Variants in TCF7L1 observed in about 807,000 individuals in gnomAD.
TCF7L1 encodes the protein transcription factor 7 like 1, also known as transcription factor 7-like 1.
A neutral mutation model predicts 63.7 loss-of-function variants in TCF7L1; 18 were observed. The observed-to-expected ratio is 0.28, with a 90% CI of 0.20 to 0.42. The LOEUF (loss-of-function observed/expected upper bound fraction) is 0.42. TCF7L1 is among the 10% of genes least tolerant of loss of function. The probability of loss-of-function intolerance (pLI) is 1.00; values close to 1 mark genes in which losing one functional copy is unlikely to be tolerated. For missense variants in TCF7L1, 654 were observed against 779.3 expected, an observed-to-expected ratio of 0.84 and a Z score of 1.91; for synonymous variants, 355 against 340.9, an observed-to-expected ratio of 1.04 and a Z score of -0.46.
chr2:85,307,069 G>A (rs1057070498), intron 10 of TCF7L1, among the ~76,000 whole-genome samples: 8 of 152,276 alleles, frequency 5.3e-5, no homozygotes, highest in East Asian at 1.9e-4. Context: ...TCCTGAGGAC[G>A]GACTTCAGTT....
intron 3 of TCF7L1, among the ~76,000 whole-genome samples, chr2:85,154,515 G>A (rs1678096298): frequency 6.6e-6 from 1 of 152,142 alleles, no homozygotes; most frequent in Non-Finnish European, 1.5e-5. Context: ...GGCTTTCCTT[G>A]TGTTTGGAAT....
intron 3 of TCF7L1, among the ~76,000 whole-genome samples, chr2:85,260,643 C>CAA (rs112797871): frequency 0.012 from 1,763 of 141,482 alleles, 19 homozygotes; most frequent in Non-Finnish European, 0.017. Flanking sequence ...GACCCTATCT[C>CAA]AAAAAAAAAA....
chr2:85,205,917 A>G (rs1679398629), intron 3 of TCF7L1, among the ~76,000 whole-genome samples: 1 of 152,258 alleles, frequency 6.6e-6, no homozygotes, highest in African/African-American at 2.4e-5. Flanking sequence ...TTACCACTTT[A>G]GTTGGATCCT....
intron 3 of TCF7L1, among the ~76,000 whole-genome samples, chr2:85,244,327 G>A (rs748340156): frequency 5.9e-5 from 9 of 152,194 alleles, no homozygotes; most frequent in Non-Finnish European, 1.2e-4. Context: ...TTGTTTTAAC[G>A]TAGCGCCATG....
At chr2:85,188,504 A>C (rs1678979176) in intron 3 of TCF7L1, among the ~76,000 whole-genome samples, 1 of 152,228 alleles carries the variant, frequency 6.6e-6, no homozygotes, top group South Asian at 2.1e-4. Flanking sequence ...ATGTCACATC[A>C]AGAATGGCAA....
chr2:85,186,983 A>G (rs1678941350), intron 3 of TCF7L1, among the ~76,000 whole-genome samples: 1 of 152,198 alleles, frequency 6.6e-6, no homozygotes, highest in Non-Finnish European at 1.5e-5. Flanking sequence ...ATGTCTGCAC[A>G]TGTTGGCTGA....
At chr2:85,140,944 G>A (rs1677722810) in intron 3 of TCF7L1, among the ~76,000 whole-genome samples, 1 of 152,030 alleles carries the variant, frequency 6.6e-6, no homozygotes, top group African/African-American at 2.4e-5. Context: ...AGTGTCCTTG[G>A]TGTTAGATGC....
chr2:85,242,011 G>T (rs1272551839), intron 3 of TCF7L1, among the ~76,000 whole-genome samples: 2 of 93,170 alleles, frequency 2.1e-5, no homozygotes, highest in Non-Finnish European at 4.5e-5. Flanking sequence ...TGGGCGGAGG[G>T]GGGCGGTGGT....
In TCF7L1 at chr2:85,191,825, CAAA is replaced by C. The variant is rs758489919; in HGVS notation, c.441+57389_441+57391del. 1.1e-4 allele frequency among the ~76,000 whole-genome samples: 10 copies of C among 91,322 alleles called. No individual in the cohort carries two copies. In the East Asian group the frequency reaches 2.0e-3, roughly 19 times the overall value. The allele number at this position is 91,322 out of a possible 152,430, so 59.9% of individuals were successfully genotyped here. A position where few individuals can be genotyped will look rare whatever the true frequency, so the allele number is the denominator to read the frequency against. On this transcript the variant is annotated intron_variant, in intron 3 of 11. Coordinates refer to ENST00000282111, the MANE Select transcript of TCF7L1 (RefSeq NM_031283.3). ...GGGCAACAAGAGTGAAACTCCATCTCAAAAAAAAAAAAAAAAGAAGTTTATTTT... is the reference window on the plus strand; with the variant it reads ...GGGCAACAAGAGTGAAACTCCATCTCAAAAAAAAAAAAAGAAGTTTATTTT...
At chr2:85,265,169 T>A (rs574961314) in intron 3 of TCF7L1, among the ~76,000 whole-genome samples, 1 of 152,056 alleles carries the variant, frequency 6.6e-6, no homozygotes, top group East Asian at 1.9e-4. Context: ...GGACCATAGA[T>A]CCAGGAAGGT....
intron 3 of TCF7L1, among the ~76,000 whole-genome samples, chr2:85,140,317 GTGAGGGGATGT>G (rs1449108056): frequency 6.6e-5 from 10 of 152,212 alleles, no homozygotes; most frequent in Non-Finnish European, 1.5e-4. Flanking sequence ...CACGTTAGGT[GTGAGGGGATGT>G]TGAGGGGATG....
At chr2:85,227,423 A>G (rs1679983259) in intron 3 of TCF7L1, among the ~76,000 whole-genome samples, 2 of 150,826 alleles carry the variant, frequency 1.3e-5, no homozygotes, top group Admixed American at 6.6e-5. Context: ...AGGGACTGTC[A>G]GAGTAATACC....
chr2:85,199,380 G>A (rs565024153), intron 3 of TCF7L1, among the ~76,000 whole-genome samples: 3 of 152,288 alleles, frequency 2.0e-5, no homozygotes, highest in South Asian at 4.1e-4. Flanking sequence ...GCCAGAAACC[G>A]TGAGCCATTT....
chr2:85,285,289 A>G (rs940404476), intron 4 of TCF7L1, among the ~76,000 whole-genome samples: 15 of 152,122 alleles, frequency 9.9e-5, no homozygotes, highest in African/African-American at 3.1e-4. Context: ...AGCAGAAGAG[A>G]AAGAAGATAT....
At chr2:85,308,268 C>T (rs920587467) in intron 11 of TCF7L1, among the ~76,000 whole-genome samples, 1 of 151,920 alleles carries the variant, frequency 6.6e-6, no homozygotes, top group Non-Finnish European at 1.5e-5. Flanking sequence ...TTAGGTCACG[C>T]CCCCCATCTC....
chr2:85,151,411 C>T (rs138844791), intron 3 of TCF7L1, among the ~76,000 whole-genome samples: 3 of 152,260 alleles, frequency 2.0e-5, no homozygotes, highest in Non-Finnish European at 4.4e-5. Flanking sequence ...CCCATTCCCT[C>T]TCTCCTTTTT....
chr2:85,218,931 A>C (rs532449372), intron 3 of TCF7L1, among the ~76,000 whole-genome samples: 1 of 152,172 alleles, frequency 6.6e-6, no homozygotes, highest in Admixed American at 6.5e-5. Context: ...TGGGATGCTG[A>C]AGCAGGAGGA....
intron 3 of TCF7L1, among the ~76,000 whole-genome samples, chr2:85,176,458 T>C (rs762404089): frequency 1.3e-5 from 2 of 152,190 alleles, no homozygotes; most frequent in Non-Finnish European, 2.9e-5. Flanking sequence ...CCCTTATATT[T>C]AGCTGTTGTT....
chr2:85,226,615 A>C (rs1679957058), intron 3 of TCF7L1, among the ~76,000 whole-genome samples: 1 of 151,842 alleles, frequency 6.6e-6, no homozygotes. Flanking sequence ...CCATTCTCCT[A>C]ATCACCCAAA....
Sources: gnomAD v4.1 joint callset for allele counts (sites outside exome capture counted in the v4.1 genomes callset) on GRCh38, gnomAD v4.1.1 for gene constraint, MANE v1.5 for transcripts, NCBI Gene and HGNC (gene_info 2026-07-23, HGNC 2026-07-21) for gene names.